The following DAB1 variants were observed in gnomAD, a reference collection of about 807,000 sequenced individuals.
DAB1 encodes the protein DAB adaptor protein 1.
DAB1 carries 15 observed loss-of-function variants against 64.6 expected under a neutral mutation model. The ratio of observed to expected loss-of-function variants is 0.23; its 90% CI spans 0.16 to 0.36. DAB1 has a LOEUF of 0.36. Ranked by LOEUF, DAB1 falls within the 10% of genes least tolerant of loss-of-function variation. The pLI is 1.00. For synonymous variants in DAB1, 235 were observed against 251.9 expected, an observed-to-expected ratio of 0.93 and a Z score of 0.64; for missense variants, 596 against 706.7, an observed-to-expected ratio of 0.84 and a Z score of 1.78.
At chr1:58,218,628 T>C (rs1015439135) in intron 4 of DAB1, among the ~76,000 whole-genome samples, 3 of 152,184 alleles carry the variant, frequency 2.0e-5, no homozygotes, top group African/African-American at 4.8e-5. Flanking sequence ...GAATCTGAGA[T>C]TGAAACCTGG....
At chr1:57,976,658 C>G (rs1260720552) in intron 5 of DAB1, among the ~76,000 whole-genome samples, 1 of 152,104 alleles carries the variant, frequency 6.6e-6, no homozygotes, top group Non-Finnish European at 1.5e-5. Flanking sequence ...CTATGTGACA[C>G]TTTTAGCTTT....
At chr1:57,944,593 C>T (rs1645156401) in intron 5 of DAB1, among the ~76,000 whole-genome samples, 1 of 152,188 alleles carries the variant, frequency 6.6e-6, no homozygotes, top group African/African-American at 2.4e-5. Context: ...TGGCTCCAGT[C>T]TTTAGAATGC....
intron 1 of DAB1, among the ~76,000 whole-genome samples, chr1:57,419,729 T>C (rs1262885512): frequency 6.6e-6 from 1 of 152,230 alleles, no homozygotes; most frequent in Admixed American, 6.5e-5. Context: ...CATAATTTTA[T>C]GAGGTAAGTA....
rs559393535 is a variant in DAB1, at chr1:57,981,355, G to A, written n.388-97193C>T. Among the ~76,000 whole-genome samples the A allele has an allele frequency of 5.9e-5, 9 of 152,186 alleles. No individual in the cohort carries two copies. The South Asian group carries it at 1.2e-3, about 21-fold the overall frequency. ...GAAGAAAGAGGAGGAAAAGAAGGAG[G>A]AGGAGAATAATTAGGAGAGATAGCC... is the stretch of plus-strand genomic sequence containing the variant. On this transcript the variant is annotated intron_variant and non_coding_transcript_variant, in intron 5 of 20. Coordinates refer to the DAB1 transcript ENST00000485760.
At chr1:58,286,328 A>G (rs1378624633) in intron 4 of DAB1, among the ~76,000 whole-genome samples, 1 of 152,220 alleles carries the variant, frequency 6.6e-6, no homozygotes, top group Non-Finnish European at 1.5e-5. Context: ...ATCTAATTAA[A>G]CTAAAGAGCT....
intron 2 of DAB1, among the ~76,000 whole-genome samples, chr1:57,195,189 C>CTAGTAG (rs1557912469): frequency 6.6e-6 from 1 of 152,096 alleles, no homozygotes; most frequent in Non-Finnish European, 1.5e-5. Flanking sequence ...ATGTATTCAT[C>CTAGTAG]AAACGTTTAT....
At chr1:57,452,277 T>G (rs955358599) in intron 7 of DAB1, among the ~76,000 whole-genome samples, 1 of 150,640 alleles carries the variant, frequency 6.6e-6, no homozygotes, top group African/African-American at 2.4e-5. Flanking sequence ...AATCTTCTCC[T>G]GTCTTAAAAG....
intron 4 of DAB1, among the ~76,000 whole-genome samples, chr1:58,186,494 C>A (rs75664141): frequency 0.011 from 1,733 of 152,194 alleles, 34 homozygotes; most frequent in African/African-American, 0.04. Context: ...AAATGTTAGA[C>A]AAATGGTAGA....
In DAB1 at chr1:57,818,004, A is replaced by T. The variant is rs114062627; in HGVS notation, n.551+65995T>A. Among the ~76,000 whole-genome samples the T allele has an allele frequency of 3.3e-3, 495 of 152,248 alleles. 3 individuals are homozygous for T. Among genetic ancestry groups the T allele is most frequent in the Middle Eastern group, 0.02 (6 of 294 alleles). Reference sequence around the variant, plus strand: ...TTTTTAAAAAATACTTTGTCTATTTATTCACCCAACAAATACTCACCTCCT... The same window carrying T: ...TTTTTAAAAAATACTTTGTCTATTTTTTCACCCAACAAATACTCACCTCCT... On this transcript the variant is annotated intron_variant and non_coding_transcript_variant, in intron 6 of 20. Coordinates refer to the DAB1 transcript ENST00000485760.
chr1:57,631,398 A>T (rs2101628606), intron 7 of DAB1, among the ~76,000 whole-genome samples: 1 of 152,192 alleles, frequency 6.6e-6, no homozygotes, highest in South Asian at 2.1e-4. Context: ...ATGTCACTTG[A>T]CTCATTTCAT....
chr1:57,661,855 A>G (rs1455305672), intron 6 of DAB1, among the ~76,000 whole-genome samples: 2 of 152,206 alleles, frequency 1.3e-5, no homozygotes, highest in East Asian at 1.9e-4. Context: ...TGGGACCTGC[A>G]GTTAGTAGAA....
At chr1:58,525,540 A>G (rs1646335790) in intron 2 of DAB1, among the ~76,000 whole-genome samples, 1 of 152,144 alleles carries the variant, frequency 6.6e-6, no homozygotes. Context: ...ATACAAAAAA[A>G]TTTCAAAACA....
intron 4 of DAB1, among the ~76,000 whole-genome samples, chr1:58,163,588 C>T (rs1303782712): frequency 1.1e-4 from 16 of 152,170 alleles, no homozygotes; most frequent in Admixed American, 2.0e-4. Context: ...GCCTGCTTGC[C>T]TGGGACTGAA....
chr1:58,041,006 A>G (rs1050100849), intron 5 of DAB1, among the ~76,000 whole-genome samples: 3 of 152,164 alleles, frequency 2.0e-5, no homozygotes, highest in Non-Finnish European at 4.4e-5. Context: ...CCCTGGATAC[A>G]TTACAGTTCC....
intron 4 of DAB1, among the ~76,000 whole-genome samples, chr1:57,129,828 T>C (rs894377671): frequency 6.6e-6 from 1 of 152,096 alleles, no homozygotes; most frequent in Non-Finnish European, 1.5e-5. Flanking sequence ...GTATATAGCA[T>C]CTTGGGCTCC....
chr1:57,719,541 C>T (rs563806362), intron 6 of DAB1, among the ~76,000 whole-genome samples: 56 of 152,306 alleles, frequency 3.7e-4, no homozygotes, highest in African/African-American at 1.3e-3. Flanking sequence ...GATTAGATCA[C>T]GGGGGCAGTT....
At chr1:57,890,306 G>A (rs1644292282) in intron 5 of DAB1, among the ~76,000 whole-genome samples, 1 of 152,048 alleles carries the variant, frequency 6.6e-6, no homozygotes, top group Non-Finnish European at 1.5e-5. Context: ...ACGTGCATGT[G>A]GATAAATTGA....
intron 4 of DAB1, among the ~76,000 whole-genome samples, chr1:58,336,828 T>C (rs538794519): frequency 8.5e-5 from 13 of 152,324 alleles, no homozygotes; most frequent in Admixed American, 2.0e-4. Flanking sequence ...CCTTTGAAAG[T>C]TGGAGGTTAA....
chr1:57,212,921 G>T (rs1666139996), intron 2 of DAB1, among the ~76,000 whole-genome samples: 1 of 152,154 alleles, frequency 6.6e-6, no homozygotes, highest in Admixed American at 6.5e-5. Flanking sequence ...TACAGAAAAG[G>T]CAACACTGAC....
Sources: allele counts gnomAD v4.1 joint callset (sites outside exome capture counted in the v4.1 genomes callset), GRCh38; gene constraint gnomAD v4.1.1; transcripts MANE v1.5; gene names NCBI Gene and HGNC (gene_info 2026-07-23, HGNC 2026-07-21).